The following AGBL4 variants were observed in gnomAD, a reference collection of about 807,000 sequenced individuals.
The protein encoded by AGBL4 is AGBL carboxypeptidase 4, also known as cytosolic carboxypeptidase 6.
In AGBL4, 58 loss-of-function variants were observed where a neutral mutation model predicts 66.4. That is an observed-to-expected ratio of 0.87 (90% CI 0.71 to 1.09). The LOEUF is 1.09. Among genes scored for constraint, AGBL4 ranks in the 50% least tolerant of loss-of-function variants. The pLI is 0.00. For missense variants in AGBL4, 579 were observed against 631.0 expected, an observed-to-expected ratio of 0.92 and a Z score of 0.88; for synonymous variants, 234 against 222.9, an observed-to-expected ratio of 1.05 and a Z score of -0.44.
At chr1:49,095,040 A>T (rs1466420246) in intron 4 of AGBL4, among the ~76,000 whole-genome samples, 1 of 152,148 alleles carries the variant, frequency 6.6e-6, no homozygotes, top group Non-Finnish European at 1.5e-5. Flanking sequence ...TACACCAATA[A>T]CAGACAAACA....
intron 9 of AGBL4, among the ~76,000 whole-genome samples, chr1:48,599,048 G>T (rs966703287): frequency 6.6e-6 from 1 of 151,700 alleles, no homozygotes; most frequent in African/African-American, 2.4e-5. Flanking sequence ...AACATGAGCC[G>T]AGAGCTACAT....
chr1:49,750,855 G>A (rs1651402065), intron 2 of AGBL4, among the ~76,000 whole-genome samples: 1 of 152,260 alleles, frequency 6.6e-6, no homozygotes, highest in East Asian at 1.9e-4. Context: ...TAGTAATTGT[G>A]ATTGAGAGTT....
chr1:48,943,446 C>T (rs1055485231), intron 5 of AGBL4, among the ~76,000 whole-genome samples: 1 of 152,102 alleles, frequency 6.6e-6, no homozygotes, highest in Non-Finnish European at 1.5e-5. Flanking sequence ...ACTACAATGG[C>T]TATTTAAAGG....
At chr1:49,085,744 C>T (rs1644894938) in intron 4 of AGBL4, among the ~76,000 whole-genome samples, 1 of 152,012 alleles carries the variant, frequency 6.6e-6, no homozygotes, top group African/African-American at 2.4e-5. Flanking sequence ...AAGTGAGGGT[C>T]CCCTGGGGGA....
chr1:48,973,333 G>C (rs1351048749), intron 5 of AGBL4, among the ~76,000 whole-genome samples: 1 of 152,064 alleles, frequency 6.6e-6, no homozygotes, highest in African/African-American at 2.4e-5. Flanking sequence ...TCACATTTTA[G>C]GGTGAATTGC....
At chr1:48,669,837 G>A (rs1163385837) in intron 6 of AGBL4, among the ~76,000 whole-genome samples, 1 of 152,062 alleles carries the variant, frequency 6.6e-6, no homozygotes, top group Non-Finnish European at 1.5e-5. Flanking sequence ...TGAGCCTCTG[G>A]GCCGTCCTGA....
rs563690609 is a variant in AGBL4, at chr1:49,263,048, C to T, written c.283-17184G>A. Among the ~76,000 whole-genome samples the T allele has an allele frequency of 1.6e-4, 24 of 151,836 alleles. No homozygotes were observed. The South Asian group carries it at 2.1e-3, about 13-fold the overall frequency. On this transcript the variant is annotated intron_variant, in intron 3 of 13. Transcript: ENST00000371839. ...GAAATCATCATTCTCAGTAAACTAT[C>T]GCAAGGACAAAAAACCAAACACCGC...
chr1:48,615,779 A>G (rs1033403263), intron 9 of AGBL4, among the ~76,000 whole-genome samples: 1 of 152,182 alleles, frequency 6.6e-6, no homozygotes, highest in Non-Finnish European at 1.5e-5. Context: ...TTGTGCTGCT[A>G]TGATAAAATA....
At position 49,374,942 on chromosome 1, in the gene AGBL4, T is replaced by C. The variant is rs576363309; in HGVS notation, c.283-129078A>G. On this transcript the variant is annotated intron_variant, in intron 3 of 13. Coordinates refer to ENST00000371839, the MANE Select transcript of AGBL4 (RefSeq NM_032785.4). Reference sequence around the variant, plus strand: ...GTTTACACTTCTCGATAAAATGTTATGGCAAAGGCAATTCTATTTCCATCT... The same window carrying C: ...GTTTACACTTCTCGATAAAATGTTACGGCAAAGGCAATTCTATTTCCATCT... Among the ~76,000 whole-genome samples the C allele has an allele frequency of 6.6e-5, 10 of 152,292 alleles. 1 individual carries two copies. In the South Asian group the frequency reaches 1.2e-3, roughly 19 times the overall value.
intron 1 of AGBL4, among the ~76,000 whole-genome samples, chr1:49,948,113 T>C (rs1383257823): frequency 6.0e-5 from 5 of 83,256 alleles, no homozygotes; most frequent in Non-Finnish European, 8.3e-5. Flanking sequence ...TATATGTAAA[T>C]GTATGTAAAT....
In AGBL4 at chr1:48,922,232, A is replaced by G. The variant is rs576360648; in HGVS notation, c.595-55002T>C. Among the ~76,000 whole-genome samples, 15 of 152,308 alleles carry G rather than the reference A, an allele frequency of 9.8e-5. No homozygotes were observed. The South Asian group carries it at 3.1e-3, about 32-fold the overall frequency. ...TAGGTCACTAATGATTTATTTATTAAGACTTTTCTCATTTGTTATGCACAG... is the reference window on the plus strand; with the variant it reads ...TAGGTCACTAATGATTTATTTATTAGGACTTTTCTCATTTGTTATGCACAG... On this transcript the variant is annotated intron_variant, in intron 5 of 13. Transcript: ENST00000371839.
intron 1 of AGBL4, among the ~76,000 whole-genome samples, chr1:49,906,372 C>G (rs1650277751): frequency 1.3e-5 from 2 of 151,946 alleles, no homozygotes; most frequent in Non-Finnish European, 2.9e-5. Flanking sequence ...TCTCTCTTTT[C>G]CTTCAGTTTG....
intron 3 of AGBL4, among the ~76,000 whole-genome samples, chr1:49,514,975 G>C (rs1320723643): frequency 6.6e-6 from 1 of 152,088 alleles, no homozygotes; most frequent in Non-Finnish European, 1.5e-5. Flanking sequence ...ACACAGGCAT[G>C]GGCAAGGACT....
intron 3 of AGBL4, among the ~76,000 whole-genome samples, chr1:49,459,064 T>C (rs1646453422): frequency 6.6e-6 from 1 of 151,408 alleles, no homozygotes; most frequent in South Asian, 2.1e-4. Context: ...CCTTTTCTTT[T>C]ATTTCTTGTT....
chr1:49,263,369 TA>T (rs947472131), intron 3 of AGBL4, among the ~76,000 whole-genome samples: 7 of 151,576 alleles, frequency 4.6e-5, no homozygotes, highest in East Asian at 1.9e-4. Flanking sequence ...CAAAAAAAGA[TA>T]AAAAAATAGA....
At position 49,280,186 on chromosome 1, in the gene AGBL4, AC is replaced by A. The variant is rs1644247392; in HGVS notation, c.283-34323del. Among the ~76,000 whole-genome samples, 4 of 151,452 alleles carry A rather than the reference AC, an allele frequency of 2.6e-5. No individual in the cohort carries two copies. The South Asian group carries it at 8.4e-4, about 32-fold the overall frequency. ...CCATTTCCCACACCCCTATGATTGC[AC>A]CCCCAACCAGTTAGCAGTAAGAACC... On this transcript the variant is annotated intron_variant, in intron 3 of 13. Transcript: ENST00000371839.
chr1:49,930,622 T>C (rs1345954441), intron 1 of AGBL4, among the ~76,000 whole-genome samples: 2 of 152,182 alleles, frequency 1.3e-5, no homozygotes, highest in African/African-American at 4.8e-5. Flanking sequence ...CAAGGTTGGT[T>C]TAACATTCAA....
intron 8 of AGBL4, among the ~76,000 whole-genome samples, chr1:48,651,811 C>A (rs1432131673): frequency 6.6e-6 from 1 of 152,188 alleles, no homozygotes; most frequent in Non-Finnish European, 1.5e-5. Flanking sequence ...TGGTTCCAGT[C>A]TGAGTTAGGC....
chr1:48,610,663 G>A (rs1394419738), intron 9 of AGBL4, among the ~76,000 whole-genome samples: 1 of 152,180 alleles, frequency 6.6e-6, no homozygotes, highest in African/African-American at 2.4e-5. Flanking sequence ...GGAAAGGTCT[G>A]ATATTCAGTG....
Sources: allele counts gnomAD v4.1 joint callset (sites outside exome capture counted in the v4.1 genomes callset), GRCh38; gene constraint gnomAD v4.1.1; transcripts MANE v1.5; gene names NCBI Gene and HGNC (gene_info 2026-07-23, HGNC 2026-07-21).